Variants in CLYBL observed in about 807,000 individuals in gnomAD.
CLYBL encodes the protein citramalyl-CoA lyase.
CLYBL carries 31 observed loss-of-function variants against 38.9 expected under a neutral mutation model. That is an observed-to-expected ratio of 0.80 (90% CI 0.60 to 1.08). The LOEUF is 1.08. CLYBL is among the 50% of genes least tolerant of loss of function. CLYBL has a pLI of 0.00. For missense variants in CLYBL, 434 were observed against 411.6 expected (o/e 1.05, Z -0.47); for synonymous variants, 171 against 158.6 (o/e 1.08, Z -0.59).
At chr13:99,866,882 C>A (rs953507554) in intron 6 of CLYBL, among the ~76,000 whole-genome samples, 1 of 152,080 alleles carries the variant, frequency 6.6e-6, no homozygotes, top group African/African-American at 2.4e-5. Context: ...TCTTCTGCCA[C>A]TCCAAGCCCC....
At chr13:99,832,071 G>A (rs2050815454) in intron 2 of CLYBL, among the ~76,000 whole-genome samples, 1 of 152,162 alleles carries the variant, frequency 6.6e-6, no homozygotes, top group Non-Finnish European at 1.5e-5. Context: ...GCTTCCAGTC[G>A]AGGATGAATA....
intron 7 of CLYBL, chr13:99,877,547 TATTA>T (rs1174371320): frequency 2.7e-6 from 1 of 363,944 alleles, no homozygotes; most frequent in East Asian, 9.4e-5. Flanking sequence ...TTTTTGGTTG[TATTA>T]ATTAAAGAAT....
intron 2 of CLYBL, among the ~76,000 whole-genome samples, chr13:99,843,629 C>T (rs568930009): frequency 1.5e-5 from 2 of 136,828 alleles, no homozygotes; most frequent in Admixed American, 7.7e-5. Flanking sequence ...TAAGACAGAG[C>T]CTTGCTCTGT....
At chr13:99,906,613 G>A (rs529020016) in intron 9 of CLYBL, among the ~76,000 whole-genome samples, 1 of 152,088 alleles carries the variant, frequency 6.6e-6, no homozygotes, top group East Asian at 1.9e-4. Flanking sequence ...TAGTAGAAAT[G>A]GGGTTTCTCC....
rs537289892 is a variant in CLYBL at position 99,659,218 on chromosome 13, A to G, written c.62+52461A>G. 2.7e-3 allele frequency among the ~76,000 whole-genome samples: 385 copies of G among 143,112 alleles called. 2 individuals carry two copies. Among genetic ancestry groups the G allele is most frequent in the African/African-American group, 9.5e-3 (322 of 33,942 alleles). 93.9% of individuals were successfully genotyped at this position (143,112 alleles called of 152,430 possible). On this transcript the variant is annotated intron_variant, in intron 1 of 8. Transcript: ENST00000339105. ...CTCTAAGCTATGTGTGTGTGTGTGT[A>G]TATATATATATGTATATATATGCGT...
chr13:99,733,134 GTTAT>G (rs1266105476), intron 1 of CLYBL, among the ~76,000 whole-genome samples: 1 of 152,100 alleles, frequency 6.6e-6, no homozygotes, highest in African/African-American at 2.4e-5. Flanking sequence ...CTTGAAATCA[GTTAT>G]TTGTCTTTGT....
chr13:99,680,259 CTG>C (rs1232074565), intron 1 of CLYBL, among the ~76,000 whole-genome samples: 5 of 152,188 alleles, frequency 3.3e-5, no homozygotes, highest in African/African-American at 1.2e-4. Context: ...TTGTACTTCT[CTG>C]TGGTTTTGCC....
chr13:99,789,152 G>A (rs545640131), intron 2 of CLYBL, among the ~76,000 whole-genome samples: 7 of 151,986 alleles, frequency 4.6e-5, no homozygotes, highest in African/African-American at 7.2e-5. Flanking sequence ...AAACCAGCTC[G>A]TGGATTCATT....
At chr13:99,819,690 G>A (rs1022284856) in intron 2 of CLYBL, among the ~76,000 whole-genome samples, 2 of 151,506 alleles carry the variant, frequency 1.3e-5, no homozygotes, top group Non-Finnish European at 2.9e-5. Context: ...AGATCTGAAG[G>A]CCCCGCAGCC....
intron 2 of CLYBL, among the ~76,000 whole-genome samples, chr13:99,781,874 G>A (rs1360215389): frequency 6.6e-6 from 1 of 152,326 alleles, no homozygotes; most frequent in South Asian, 2.1e-4. Context: ...ATTTTACTAA[G>A]CACGCTTAAC....
chr13:99,844,440 C>T lies in CLYBL; in HGVS notation c.250-14421C>T, dbSNP rs2051152685. On this transcript the variant is annotated intron_variant, in intron 2 of 8. Transcript: ENST00000339105. ...ATCATCGTTATCAGGTGATTTTGAA[C>T]GTTGGAACACATGTATTTTGTCCCC... 2.6e-5 allele frequency among the ~76,000 whole-genome samples: 4 copies of T among 152,216 alleles called. No homozygotes were observed. The South Asian group carries it at 8.3e-4, about 31-fold the overall frequency.
intron 1 of CLYBL, among the ~76,000 whole-genome samples, chr13:99,715,823 A>G (rs1050752160): frequency 1.3e-5 from 2 of 152,096 alleles, no homozygotes; most frequent in African/African-American, 4.8e-5. Context: ...GGAAGTTAGT[A>G]GTCAGTGTTT....
intron 2 of CLYBL, among the ~76,000 whole-genome samples, chr13:99,835,215 A>T (rs1886031): frequency 6.6e-6 from 1 of 152,072 alleles, no homozygotes; most frequent in South Asian, 2.1e-4. Flanking sequence ...AAGCTGCTAC[A>T]ACAGAAAAGA....
chr13:99,877,723 C>T (rs576085974), intron 7 of CLYBL: 23 of 253,544 alleles, frequency 9.1e-5, no homozygotes, highest in Non-Finnish European at 1.7e-4. Context: ...ATTACAGGCG[C>T]ACAACATGCC....
At chr13:99,784,163 A>G (rs954070325) in intron 2 of CLYBL, among the ~76,000 whole-genome samples, 1 of 152,182 alleles carries the variant, frequency 6.6e-6, no homozygotes, top group African/African-American at 2.4e-5. Context: ...AGGATCATGA[A>G]CCCATATTCA....
At chr13:99,689,312 A>C (rs2047865106) in intron 1 of CLYBL, among the ~76,000 whole-genome samples, 1 of 152,176 alleles carries the variant, frequency 6.6e-6, no homozygotes, top group African/African-American at 2.4e-5. Context: ...GGGAGACAGG[A>C]TTTAGGGTGG....
intron 7 of CLYBL, among the ~76,000 whole-genome samples, chr13:99,871,375 A>C (rs924581063): frequency 1.3e-5 from 2 of 152,232 alleles, no homozygotes; most frequent in African/African-American, 4.8e-5. Flanking sequence ...TTCATATGAA[A>C]ATAATCCTAG....
intron 2 of CLYBL, among the ~76,000 whole-genome samples, chr13:99,803,226 G>T (rs919178795): frequency 6.6e-6 from 1 of 152,184 alleles, no homozygotes; most frequent in Non-Finnish European, 1.5e-5. Context: ...CTTAAGAGAA[G>T]GCCATGGCAA....
intron 1 of CLYBL, among the ~76,000 whole-genome samples, chr13:99,631,398 A>G (rs956128195): frequency 1.8e-4 from 27 of 151,774 alleles, no homozygotes; most frequent in African/African-American, 6.3e-4. Flanking sequence ...ATGCAAATAT[A>G]TAATATATAC....
Sources: gnomAD v4.1 joint callset for allele counts (sites outside exome capture counted in the v4.1 genomes callset) on GRCh38, gnomAD v4.1.1 for gene constraint, MANE v1.5 for transcripts, NCBI Gene and HGNC (gene_info 2026-07-23, HGNC 2026-07-21) for gene names.